Variants in PDE4B observed in about 807,000 individuals in gnomAD.
The protein encoded by PDE4B is phosphodiesterase 4B.
PDE4B carries 20 observed loss-of-function variants against 82.2 expected under a neutral mutation model. The observed-to-expected ratio is 0.24, with a 90% CI of 0.17 to 0.35. PDE4B has a LOEUF of 0.35. Ranked by LOEUF, PDE4B falls within the 10% of genes least tolerant of loss-of-function variation. PDE4B has a pLI of 1.00. For synonymous variants in PDE4B, 320 were observed against 318.9 expected (o/e 1.00, Z -0.04); for missense variants, 655 against 907.2 (o/e 0.72, Z 3.57).
intron 1 of PDE4B, among the ~76,000 whole-genome samples, chr1:65,808,152 A>G (rs1015069616): frequency 5.3e-5 from 8 of 151,804 alleles, no homozygotes; most frequent in African/African-American, 1.9e-4. Context: ...TGGGTCCATC[A>G]AGTAGGTAGA....
intron 3 of PDE4B, among the ~76,000 whole-genome samples, chr1:65,973,391 G>A (rs1330036411): frequency 6.6e-6 from 1 of 152,086 alleles, no homozygotes; most frequent in Non-Finnish European, 1.5e-5. Flanking sequence ...GGAGAAAGAT[G>A]TTTAGAGTGA....
At chr1:66,139,822 T>C (rs145276321) in intron 3 of PDE4B, among the ~76,000 whole-genome samples, 1 of 151,310 alleles carries the variant, frequency 6.6e-6, no homozygotes, top group African/African-American at 2.4e-5. Flanking sequence ...ATCTGCTGAC[T>C]CTCCAGCTCT....
At chr1:65,862,485 A>C (rs1019399191) in intron 1 of PDE4B, among the ~76,000 whole-genome samples, 1 of 152,150 alleles carries the variant, frequency 6.6e-6, no homozygotes, top group African/African-American at 2.4e-5. Context: ...ATCAATGTTC[A>C]TCAGGGATAT....
chr1:65,961,022 T>G (rs1362243230), intron 3 of PDE4B, among the ~76,000 whole-genome samples: 2 of 152,158 alleles, frequency 1.3e-5, no homozygotes, highest in South Asian at 4.1e-4. Context: ...AAATGTACAC[T>G]GTTTTAGGCA....
At chr1:66,098,093 A>C (rs191943844) in intron 3 of PDE4B, among the ~76,000 whole-genome samples, 1 of 152,086 alleles carries the variant, frequency 6.6e-6, no homozygotes, top group African/African-American at 2.4e-5. Flanking sequence ...GACTAACTCT[A>C]TGTAAGCTCT....
At chr1:65,958,573 T>C (rs1649375331) in intron 3 of PDE4B, among the ~76,000 whole-genome samples, 1 of 152,120 alleles carries the variant, frequency 6.6e-6, no homozygotes, top group South Asian at 2.1e-4. Flanking sequence ...ATACAATATC[T>C]GGGTCTGATA....
intron 3 of PDE4B, among the ~76,000 whole-genome samples, chr1:66,211,370 C>T (rs1650035788): frequency 6.6e-6 from 1 of 152,066 alleles, no homozygotes; most frequent in African/African-American, 2.4e-5. Context: ...AAACCTATCC[C>T]CACTCTCAGC....
chr1:66,368,990 A>C, intron 16 of PDE4B, 21 bp downstream of exon 16: 17 of 1,581,218 alleles, frequency 1.1e-5, no homozygotes, highest in Non-Finnish European at 1.4e-5. Flanking sequence ...TGAGATTTTC[A>C]AAGTTTTTGT....
At chr1:65,939,887 C>G (rs893479941) in intron 3 of PDE4B, among the ~76,000 whole-genome samples, 1 of 152,172 alleles carries the variant, frequency 6.6e-6, no homozygotes, top group South Asian at 2.1e-4. Context: ...ATATCTCATC[C>G]TATGTCTCAT....
chr1:66,257,979 T>C, intron 6 of PDE4B, 116 bp downstream of exon 6: 1 of 684,194 alleles, frequency 1.5e-6, no homozygotes, highest in East Asian at 2.7e-5. Flanking sequence ...GCTAAGTTAA[T>C]ATACACAATA....
chr1:66,165,202 T>C (rs1646703972), intron 3 of PDE4B, among the ~76,000 whole-genome samples: 1 of 152,188 alleles, frequency 6.6e-6, no homozygotes, highest in Non-Finnish European at 1.5e-5. Context: ...CTTCAGAGAA[T>C]TGTTGGGAAG....
intron 1 of PDE4B, among the ~76,000 whole-genome samples, chr1:65,908,478 G>T (rs545479156): frequency 3.9e-5 from 6 of 152,268 alleles, no homozygotes; most frequent in African/African-American, 1.4e-4. Context: ...AAGAGAAGTG[G>T]AGAGATATAG....
rs1189760828 is a variant in PDE4B at position 66,227,594 on chromosome 1, A to G, written c.282-19866A>G. On this transcript the variant is annotated intron_variant, in intron 3 of 16. Transcript: ENST00000341517. ...CTAGCCCTCCCACATTCCTAACATC[A>G]GCTCTCCCAGCTAAATATCACTCTA... 2.0e-5 allele frequency among the ~76,000 whole-genome samples: 3 copies of G among 152,288 alleles called. No individual in the cohort carries two copies. The East Asian group carries it at 5.8e-4, about 29-fold the overall frequency.
At chr1:66,184,254 CTGGCTCA>C (rs1183248103) in intron 3 of PDE4B, among the ~76,000 whole-genome samples, 1 of 152,148 alleles carries the variant, frequency 6.6e-6, no homozygotes, top group Non-Finnish European at 1.5e-5. Flanking sequence ...AAAAGAAAAT[CTGGCTCA>C]TGGTGCCAAT....
intron 3 of PDE4B, among the ~76,000 whole-genome samples, chr1:65,948,828 A>T (rs1297810994): frequency 6.6e-6 from 1 of 151,996 alleles, no homozygotes; most frequent in Admixed American, 6.6e-5. Context: ...TTTTCAGTTG[A>T]TGTGTTTTGG....
intron 3 of PDE4B, among the ~76,000 whole-genome samples, chr1:66,052,944 A>G (rs749002744): frequency 6.6e-6 from 1 of 152,222 alleles, no homozygotes; most frequent in Non-Finnish European, 1.5e-5. Flanking sequence ...AAAGTATTCA[A>G]TATTTCTTAG....
intron 3 of PDE4B, among the ~76,000 whole-genome samples, chr1:66,174,427 G>A (rs975623884): frequency 3.3e-5 from 5 of 152,056 alleles, no homozygotes; most frequent in African/African-American, 1.2e-4. Context: ...CTAAAACAGT[G>A]TTGCCTACTA....
intron 16 of PDE4B, among the ~76,000 whole-genome samples, chr1:66,370,085 A>G (rs1414987933): frequency 2.1e-5 from 3 of 143,984 alleles, no homozygotes; most frequent in African/African-American, 7.8e-5. Flanking sequence ...CAGGAGGCGG[A>G]CGTTGCAGTG....
At chr1:66,275,609 C>T (rs1456663782) in intron 7 of PDE4B, among the ~76,000 whole-genome samples, 1 of 152,124 alleles carries the variant, frequency 6.6e-6, no homozygotes, top group African/African-American at 2.4e-5. Context: ...AGAGGACCAC[C>T]GAAGTTCCTT....
Sources: gnomAD v4.1 joint callset for allele counts (sites outside exome capture counted in the v4.1 genomes callset) on GRCh38, gnomAD v4.1.1 for gene constraint, MANE v1.5 for transcripts, NCBI Gene and HGNC (gene_info 2026-07-23, HGNC 2026-07-21) for gene names.